The following PTCHD1 variants were observed in gnomAD, a reference collection of about 807,000 sequenced individuals.
PTCHD1 encodes patched domain containing 1.
In PTCHD1, 3 loss-of-function variants were observed where a neutral mutation model predicts 34.6. That is an observed-to-expected ratio of 0.09 (90% CI 0.04 to 0.22). The LOEUF is 0.22. Ranked by LOEUF, PTCHD1 falls within the 10% of genes least tolerant of loss-of-function variation. The pLI is 1.00. For synonymous variants in PTCHD1, 305 were observed against 283.1 expected, an observed-to-expected ratio of 1.08 and a Z score of -0.77; for missense variants, 504 against 685.5, an observed-to-expected ratio of 0.74 and a Z score of 2.96.
intron 1 of PTCHD1, among the ~76,000 whole-genome samples, chrX:23,363,121 G>A (rs1012843183): frequency 8.9e-6 from 1 of 112,445 alleles, no homozygotes; most frequent in Admixed American, 9.4e-5. Flanking sequence ...CCCACTTGAG[G>A]AGGCAGTCTG....
At chrX:23,381,657 G>C (rs964910100) in intron 2 of PTCHD1, among the ~76,000 whole-genome samples, 11 of 111,846 alleles carry the variant, frequency 9.8e-5, no homozygotes, top group Non-Finnish European at 1.7e-4. Context: ...TTGAAACCTA[G>C]TCAATAAACA....
At chrX:23,336,016 G>A (rs1921161444) in intron 1 of PTCHD1, among the ~76,000 whole-genome samples, 1 of 111,687 alleles carries the variant, frequency 9.0e-6, no homozygotes, top group Non-Finnish European at 1.9e-5. Flanking sequence ...GGCAGAGCCC[G>A]AAGGGTGAGA....
In PTCHD1 at chrX:23,393,476, C is replaced by A. The variant is rs143336115; in HGVS notation, c.1958C>A (p.Thr653Asn). ...TCCAGAATGTTTTTGGTGGCCAAGA[C>A]CATGGAAACAAACAGAGAAGAACTC... is the stretch of plus-strand genomic sequence containing the variant. The part of the protein sequence containing the change: ...VASRMFLVAK[T>N]METNREELYD... The change falls in exon 3 of 3, where the codon ACC (threonine) becomes AAC (asparagine). Residue 653 changes from threonine (T) to asparagine (N), a missense_variant. Coordinates refer to ENST00000379361, the MANE Select transcript of PTCHD1 (RefSeq NM_173495.3). 1 of 1,209,859 alleles carries A rather than the reference C, an allele frequency of 8.3e-7. No individual in the cohort carries two copies.
chrX:23,390,033 G>C (rs1231643894), intron 2 of PTCHD1, among the ~76,000 whole-genome samples: 1 of 111,476 alleles, frequency 9.0e-6, no homozygotes, highest in Non-Finnish European at 1.9e-5. Flanking sequence ...TCAACAGCAA[G>C]GTATGAAATT....
intron 1 of PTCHD1, among the ~76,000 whole-genome samples, chrX:23,359,783 G>C (rs1300663682): frequency 1.8e-5 from 2 of 111,757 alleles, no homozygotes; most frequent in African/African-American, 6.5e-5. Flanking sequence ...TTGGCTGTGG[G>C]TTTATCATAA....
intron 1 of PTCHD1, among the ~76,000 whole-genome samples, chrX:23,354,484 T>C (rs1378971445): frequency 1.2e-5 from 1 of 84,839 alleles, no homozygotes; most frequent in Non-Finnish European, 2.1e-5. Flanking sequence ...ATCCCAAAAT[T>C]TGAAGTACAC....
At chrX:23,387,275 C>T (rs1267523155) in intron 2 of PTCHD1, among the ~76,000 whole-genome samples, 4 of 111,389 alleles carry the variant, frequency 3.6e-5, no homozygotes, top group South Asian at 3.8e-4. Context: ...TCTGTCTTAC[C>T]GGATTATAAA....
At chrX:23,348,802 A>C (rs1921549684) in intron 1 of PTCHD1, among the ~76,000 whole-genome samples, 1 of 112,198 alleles carries the variant, frequency 8.9e-6, no homozygotes, top group South Asian at 3.7e-4. Context: ...GAAGTTGTTT[A>C]AGAAAAAGGA....
At chrX:23,367,306 C>A (rs935988502) in intron 1 of PTCHD1, among the ~76,000 whole-genome samples, 3 of 112,163 alleles carry the variant, frequency 2.7e-5, no homozygotes, top group Non-Finnish European at 5.6e-5. Flanking sequence ...CTCTGGCCTC[C>A]CACCTGCCCA....
Position 23,398,295 on chromosome X carries a change from T to C in PTCHD1, c.*4110T>C, listed in dbSNP as rs1284453173. The stretch of plus-strand genomic sequence containing the variant: ...GAGAAGTAGATTTGAGCCTGAGAAT[T>C]AGGGCTACAAATACAATGAGTTGCC... On this transcript the variant is annotated 3_prime_UTR_variant, in exon 3 of 3. Transcript: ENST00000379361. 1 of 111,839 alleles carries C rather than the reference T, an allele frequency of 8.9e-6. No individual in the cohort carries two copies. Among genetic ancestry groups the C allele is most frequent in the Non-Finnish European group, 1.9e-5 (1 of 53,185 alleles). The allele number at this position is 111,839 out of a possible 1,213,427, so 9.2% of individuals were successfully genotyped here.
chrX:23,376,513 A>G (rs1922418126), intron 1 of PTCHD1, among the ~76,000 whole-genome samples: 1 of 112,200 alleles, frequency 8.9e-6, no homozygotes, highest in East Asian at 2.8e-4. Flanking sequence ...AAAGTAAATC[A>G]GGGCACTCTA....
At position 23,401,583 on chromosome X, in the gene PTCHD1, A is replaced by G. The variant is rs1923124685; in HGVS notation, c.*7398A>G. 8.9e-6 allele frequency: 1 copy of G among 112,747 alleles called. No individual in the cohort carries two copies. The highest frequency in any genetic ancestry group is 3.6e-4 in the South Asian group (1 of 2,753). 9.3% of individuals were successfully genotyped at this position (112,747 alleles called of 1,213,427 possible). ...ACAACTATAAAACATAGAAACATAT[A>G]CCTGTACATATGCACATGCTTACAT... On this transcript the variant is annotated 3_prime_UTR_variant, in exon 3 of 3. Coordinates refer to ENST00000379361, the MANE Select transcript of PTCHD1 (RefSeq NM_173495.3).
intron 1 of PTCHD1, among the ~76,000 whole-genome samples, chrX:23,339,713 C>T (rs752640795): frequency 1.4e-4 from 16 of 112,095 alleles, no homozygotes; most frequent in Non-Finnish European, 2.4e-4. Flanking sequence ...TTTCTTCCTC[C>T]ACAATCTAAG....
chrX:23,353,705 C>T (rs1360719291), intron 1 of PTCHD1, among the ~76,000 whole-genome samples: 4 of 112,082 alleles, frequency 3.6e-5, no homozygotes, highest in Non-Finnish European at 7.5e-5. Flanking sequence ...ATCATTTATT[C>T]GTAGCGGAGC....
At chrX:23,344,770 G>T (rs1334769417) in intron 1 of PTCHD1, among the ~76,000 whole-genome samples, 1 of 111,476 alleles carries the variant, frequency 9.0e-6, no homozygotes, top group African/African-American at 3.3e-5. Flanking sequence ...TTCACTTCCT[G>T]CCCAGGGAAG....
At chrX:23,361,478 C>CT (rs1012358517) in intron 1 of PTCHD1, among the ~76,000 whole-genome samples, 1 of 111,159 alleles carries the variant, frequency 9.0e-6, no homozygotes, top group African/African-American at 3.3e-5. Flanking sequence ...CAACCCCTGC[C>CT]TTTTTTTGTT....
chrX:23,350,592 G>A (rs1345483776), intron 1 of PTCHD1, among the ~76,000 whole-genome samples: 4 of 111,811 alleles, frequency 3.6e-5, no homozygotes, highest in African/African-American at 6.5e-5. Flanking sequence ...ATTAAGATCC[G>A]GAGTTTGAAG....
intron 1 of PTCHD1, among the ~76,000 whole-genome samples, chrX:23,360,948 G>C (rs1921963924): frequency 8.9e-6 from 1 of 112,126 alleles, no homozygotes; most frequent in South Asian, 3.7e-4. Flanking sequence ...TTTCCCTGTA[G>C]TTGCGTGGTT....
At chrX:23,378,586 T>A (rs921660598) in intron 1 of PTCHD1, among the ~76,000 whole-genome samples, 1 of 112,006 alleles carries the variant, frequency 8.9e-6, no homozygotes, top group Admixed American at 9.4e-5. Context: ...GAGCACAGGT[T>A]CTGGAGCCAG....
Sources: gnomAD v4.1 joint callset for allele counts (sites outside exome capture counted in the v4.1 genomes callset) on GRCh38, gnomAD v4.1.1 for gene constraint, MANE v1.5 for transcripts, NCBI Gene and HGNC (gene_info 2026-07-23, HGNC 2026-07-21) for gene names.